Variants in TMEM132D observed in about 807,000 individuals in gnomAD.
The protein encoded by TMEM132D is mature OL transmembrane protein.
In TMEM132D, 21 loss-of-function variants were observed where a neutral mutation model predicts 62.3. That is an observed-to-expected ratio of 0.34 (90% CI 0.24 to 0.49). TMEM132D has a LOEUF of 0.49. Among genes scored for constraint, TMEM132D ranks in the 20% least tolerant of loss-of-function variants. The pLI is 0.99. For synonymous variants in TMEM132D, 621 were observed against 575.6 expected (o/e 1.08, Z -1.13); for missense variants, 1,346 against 1,402.8 (o/e 0.96, Z 0.65).
chr12:129,333,144 A>G lies in TMEM132D; in HGVS notation c.1299+4490T>C, dbSNP rs190875477. On this transcript the variant is annotated intron_variant, in intron 4 of 8. Transcript: ENST00000422113. ...ATAAACATGTCATCTAAGAAGGGCA[A>G]ATTAAAACAACATTGAGATATAAGT... Among the ~76,000 whole-genome samples the G allele has an allele frequency of 1.4e-3, 208 of 152,332 alleles. 1 individual carries two copies. The highest frequency in any genetic ancestry group is 6.8e-3 in the Middle Eastern group (2 of 294).
chr12:129,584,900 G>A (rs1384790572), intron 2 of TMEM132D, among the ~76,000 whole-genome samples: 1 of 152,202 alleles, frequency 6.6e-6, no homozygotes, highest in Non-Finnish European at 1.5e-5. Flanking sequence ...GTGGCAACAG[G>A]AGAGTGGGGA....
chr12:129,386,205 G>C (rs1356317796), intron 3 of TMEM132D, among the ~76,000 whole-genome samples: 1 of 152,156 alleles, frequency 6.6e-6, no homozygotes, highest in African/African-American at 2.4e-5. Flanking sequence ...ACTGTTATCA[G>C]TTACTAAAGT....
intron 5 of TMEM132D, among the ~76,000 whole-genome samples, chr12:129,207,559 G>C (rs1208109774): frequency 1.3e-5 from 2 of 152,152 alleles, no homozygotes; most frequent in African/African-American, 4.8e-5. Flanking sequence ...TCCAGGGAAA[G>C]AGAGTTAAAG....
chr12:129,307,252 A>G (rs1479818662), intron 4 of TMEM132D, among the ~76,000 whole-genome samples: 1 of 152,198 alleles, frequency 6.6e-6, no homozygotes, highest in Non-Finnish European at 1.5e-5. Context: ...TGAAAAGAGT[A>G]TAATCCAACC....
At chr12:129,900,129 T>C (rs1184809492) in intron 1 of TMEM132D, among the ~76,000 whole-genome samples, 2 of 152,176 alleles carry the variant, frequency 1.3e-5, no homozygotes, top group East Asian at 3.8e-4. Context: ...CGCAATGTAT[T>C]CATATCACCT....
At chr12:129,282,518 C>T (rs1424852936) in intron 4 of TMEM132D, among the ~76,000 whole-genome samples, 2 of 152,092 alleles carry the variant, frequency 1.3e-5, no homozygotes, top group Admixed American at 6.5e-5. Flanking sequence ...GACTAAAAAC[C>T]GAAGACCAGG....
intron 1 of TMEM132D, among the ~76,000 whole-genome samples, chr12:129,859,096 A>T (rs1049931569): frequency 4.5e-4 from 68 of 152,152 alleles, no homozygotes; most frequent in Non-Finnish European, 1.0e-4. Context: ...CTTACAAAAG[A>T]GTCCTGCGGG....
Position 129,072,373 on chromosome 12 carries a change from C to CACCA in TMEM132D, c.*1498_*1501dup, listed in dbSNP as rs935010816. On this transcript the variant is annotated 3_prime_UTR_variant, in exon 9 of 9. Coordinates refer to ENST00000422113, the MANE Select transcript of TMEM132D (RefSeq NM_133448.3). Reference sequence around the variant, plus strand: ...CTATCTGGCTGGCAATCACCCAACACACCATTCTCTACCTTGGAGTGAGCG... The same window carrying CACCA: ...CTATCTGGCTGGCAATCACCCAACACACCAACCATTCTCTACCTTGGAGTGAGCG... The CACCA allele has an allele frequency of 3.3e-5, 5 of 152,624 alleles. No individual in the cohort carries two copies. Among genetic ancestry groups the CACCA allele is most frequent in the African/African-American group, 1.2e-4 (5 of 41,452 alleles). The allele number at this position is 152,624 out of a possible 1,614,324, so 9.5% of individuals were successfully genotyped here. A position where few individuals can be genotyped will look rare whatever the true frequency, so the allele number is the denominator to read the frequency against.
intron 2 of TMEM132D, among the ~76,000 whole-genome samples, chr12:129,532,471 A>T (rs1876257702): frequency 6.6e-6 from 1 of 152,234 alleles, no homozygotes; most frequent in Admixed American, 6.5e-5. Context: ...GGCTTTGAGA[A>T]AAAGCAGGAC....
intron 4 of TMEM132D, among the ~76,000 whole-genome samples, chr12:129,211,810 A>C (rs1202657335): frequency 6.6e-6 from 1 of 152,180 alleles, no homozygotes; most frequent in East Asian, 1.9e-4. Context: ...GCCTGATTTT[A>C]CTTTAATTCG....
intron 3 of TMEM132D, among the ~76,000 whole-genome samples, chr12:129,423,349 G>C (rs1872385121): frequency 6.6e-6 from 1 of 152,138 alleles, no homozygotes; most frequent in Non-Finnish European, 1.5e-5. Context: ...TTGGCTGAGT[G>C]CCTATAGCCG....
chr12:129,103,713 C>T (rs966601806), intron 5 of TMEM132D, among the ~76,000 whole-genome samples: 2 of 152,076 alleles, frequency 1.3e-5, no homozygotes, highest in Admixed American at 1.3e-4. Context: ...AAAATATCTC[C>T]GTACAAAATC....
At chr12:129,295,706 G>A (rs1343584208) in intron 4 of TMEM132D, among the ~76,000 whole-genome samples, 1 of 152,086 alleles carries the variant, frequency 6.6e-6, no homozygotes, top group African/African-American at 2.4e-5. Context: ...AGGACACCAT[G>A]AATAGCAAAG....
chr12:129,817,710 T>A (rs1424642678), intron 1 of TMEM132D, among the ~76,000 whole-genome samples: 1 of 146,768 alleles, frequency 6.8e-6, no homozygotes, highest in African/African-American at 2.5e-5. Context: ...TCTGTGTGTA[T>A]GTGCCTTGGG....
intron 3 of TMEM132D, among the ~76,000 whole-genome samples, chr12:129,415,548 C>G (rs1418863681): frequency 6.6e-6 from 1 of 152,248 alleles, no homozygotes; most frequent in Non-Finnish European, 1.5e-5. Context: ...CAAACCACAT[C>G]TGACCCACAG....
At chr12:129,112,357 TTTCAAATTAA>T (rs1875742241) in intron 5 of TMEM132D, among the ~76,000 whole-genome samples, 1 of 152,186 alleles carries the variant, frequency 6.6e-6, no homozygotes, top group Non-Finnish European at 1.5e-5. Flanking sequence ...GGCTCTATAA[TTTCAAATTAA>T]TTAAAATTAA....
At chr12:129,844,854 G>A (rs1873311678) in intron 1 of TMEM132D, among the ~76,000 whole-genome samples, 1 of 152,116 alleles carries the variant, frequency 6.6e-6, no homozygotes, top group African/African-American at 2.4e-5. Context: ...TTGGAGTGGT[G>A]GAGGTCACAC....
At chr12:129,380,216 T>A (rs761687239) in intron 3 of TMEM132D, among the ~76,000 whole-genome samples, 1 of 152,156 alleles carries the variant, frequency 6.6e-6, no homozygotes, top group African/African-American at 2.4e-5. Flanking sequence ...TAAAAACTTA[T>A]ACAAATGCAT....
chr12:129,730,588 T>C (rs1869198778), intron 1 of TMEM132D, among the ~76,000 whole-genome samples: 1 of 152,124 alleles, frequency 6.6e-6, no homozygotes, highest in Admixed American at 6.5e-5. Context: ...GTCAACTTGA[T>C]TGAACTGAAG....
Sources: gnomAD v4.1 joint callset for allele counts (sites outside exome capture counted in the v4.1 genomes callset) on GRCh38, gnomAD v4.1.1 for gene constraint, MANE v1.5 for transcripts, NCBI Gene and HGNC (gene_info 2026-07-23, HGNC 2026-07-21) for gene names.